The following UIMC1 variants were observed in gnomAD, a reference collection of about 807,000 sequenced individuals.
UIMC1 encodes BRCA1-A complex subunit RAP80.
In UIMC1, 42 loss-of-function variants were observed where a neutral mutation model predicts 84.9. The ratio of observed to expected loss-of-function variants is 0.49; its 90% CI spans 0.39 to 0.64. The LOEUF (loss-of-function observed/expected upper bound fraction) is 0.64, where lower values mean the gene tolerates loss of function less well. Among genes scored for constraint, UIMC1 ranks in the 30% least tolerant of loss-of-function variants. The pLI, the probability that UIMC1 is intolerant of heterozygous loss-of-function variation, is 0.00. For synonymous variants in UIMC1, 281 were observed against 293.0 expected (o/e 0.96, Z 0.42); for missense variants, 825 against 847.6 (o/e 0.97, Z 0.33).
Position 176,951,513 on chromosome 5 carries a change from A to C in UIMC1, c.1404T>G (p.Asp468Glu), listed in dbSNP as rs753758326. 34 of 1,583,570 alleles carry C rather than the reference A, an allele frequency of 2.1e-5. No homozygotes were observed. Among genetic ancestry groups the C allele is most frequent in the African/African-American group, 6.8e-5 (5 of 73,644 alleles). Residue 468 changes from aspartate (D) to glutamate (E), a missense_variant, in exon 9 of 15, where the codon GAT (aspartate) becomes GAG (glutamate). Asp to Glu is a conservative substitution (Grantham distance 45, BLOSUM62 2). Transcript: ENST00000511320. ...TTATTATTCTGACTCCATCCAAGAT[A>C]TCTCTGCTACCTGGAGAGACTTCTC... ...LEREVSPGSRDILDGVRIIMA... is the reference protein window; with the variant it reads ...LEREVSPGSREILDGVRIIMA...
Position 176,920,953 on chromosome 5 carries a change from C to T in UIMC1, c.1598-9564G>A, listed in dbSNP as rs547929131. Among the ~76,000 whole-genome samples the T allele has an allele frequency of 2.6e-5, 4 of 152,300 alleles. No individual in the cohort carries two copies. In the East Asian group the frequency reaches 7.7e-4, roughly 29 times the overall value. Reference sequence around the variant, plus strand: ...TCTATCAGGCTGAGGAAGTTCCTGTCTATTCCTAGTTTGCTGAGTATTTTA... The same window carrying T: ...TCTATCAGGCTGAGGAAGTTCCTGTTTATTCCTAGTTTGCTGAGTATTTTA... On this transcript the variant is annotated intron_variant, in intron 10 of 14. Transcript: ENST00000511320.
At position 176,999,375 on chromosome 5, in the gene UIMC1, T is replaced by C. The variant is rs1581703206; in HGVS notation, c.-9+7275A>G. Among the ~76,000 whole-genome samples, 4 of 152,256 alleles carry C rather than the reference T, an allele frequency of 2.6e-5. No homozygotes were observed. The East Asian group carries it at 7.7e-4, about 29-fold the overall frequency. On this transcript the variant is annotated intron_variant, in intron 1 of 14. Transcript: ENST00000511320. ...AATAGTCAGATCATACAAAATAAGG[T>C]ATCCATCCCCTCAAGCATTTATCCT...
exon 1 of UIMC1, chr5:177,022,600 A>G (rs755152724): frequency 4.4e-6 from 4 of 917,312 alleles, no homozygotes; most frequent in Non-Finnish European, 4.6e-6. Flanking sequence ...AAGCAAAATA[A>G]GCGCGGGGTC....
intron 1 of UIMC1, among the ~76,000 whole-genome samples, chr5:176,991,871 G>C (rs1038461067): frequency 6.6e-6 from 1 of 152,082 alleles, no homozygotes; most frequent in Non-Finnish European, 1.5e-5. Flanking sequence ...GGCAGAGCTT[G>C]CAGTGAGCCG....
intron 10 of UIMC1, among the ~76,000 whole-genome samples, chr5:176,928,208 T>C (rs1762619662): frequency 6.6e-6 from 1 of 152,186 alleles, no homozygotes; most frequent in Non-Finnish European, 1.5e-5. Context: ...AAATTGTCTA[T>C]GGCTGCTTTA....
At chr5:177,002,122 A>C (rs1319039525) in intron 1 of UIMC1, 2 of 151,320 alleles carry the variant, frequency 1.3e-5, no homozygotes, top group Admixed American at 6.6e-5. Flanking sequence ...CTGTCTCAAA[A>C]AAAAAAAAAC....
chr5:176,976,000 T>C (rs1002304294), intron 2 of UIMC1, among the ~76,000 whole-genome samples: 2 of 151,414 alleles, frequency 1.3e-5, no homozygotes, highest in African/African-American at 4.9e-5. Flanking sequence ...AAAAATAAAA[T>C]AGAGAAAGAA....
rs537558192 is a variant in UIMC1, at chr5:176,997,062, C to T, written c.-9+9588G>A. 1.6e-3 allele frequency among the ~76,000 whole-genome samples: 246 copies of T among 152,192 alleles called. 1 individual carries two copies. Among genetic ancestry groups the T allele is most frequent in the African/African-American group, 5.7e-3 (236 of 41,516 alleles). On this transcript the variant is annotated intron_variant, in intron 1 of 14. Transcript: ENST00000511320. ...CACACACACACACAAATTTGAGAGC[C>T]CTGAGAAAAGAGTTGGGGCAGACTT...
chr5:177,020,762 C>T (rs542889519), intron 1 of UIMC1, among the ~76,000 whole-genome samples: 10 of 152,262 alleles, frequency 6.6e-5, no homozygotes, highest in African/African-American at 2.2e-4. Context: ...CTCTCCTCCA[C>T]TACAATAAAA....
upstream of UIMC1, among the ~76,000 whole-genome samples, chr5:177,009,763 G>A (rs192387200): frequency 4.7e-4 from 71 of 152,034 alleles, no homozygotes; most frequent in African/African-American, 1.6e-3. This position sits in a 1 kb window ranked among gnomAD's most constrained non-coding sequence, Gnocchi z 4.3. Context: ...GGCCTAGCAC[G>A]GTGACTCACA....
intron 1 of UIMC1, among the ~76,000 whole-genome samples, chr5:177,000,392 G>A (rs1774270182): frequency 6.6e-6 from 1 of 151,912 alleles, no homozygotes. Flanking sequence ...TTGGATATAA[G>A]CCATTTTAAC....
intron 1 of UIMC1, among the ~76,000 whole-genome samples, chr5:177,012,913 C>T (rs1412958903): frequency 6.6e-6 from 1 of 150,936 alleles, no homozygotes; most frequent in Non-Finnish European, 1.5e-5. Context: ...CCCATCTCTA[C>T]AAAAAATGAA....
In UIMC1 at chr5:176,968,720, T is replaced by C; in HGVS notation, c.1035A>G (p.Lys345=). Reference sequence around the variant, plus strand: ...CCATATCTTCTGAGATGCATTCATTTTTCTCACTAGCCTGCTCTCCTTGGC... The same window carrying C: ...CCATATCTTCTGAGATGCATTCATTCTTCTCACTAGCCTGCTCTCCTTGGC... ...ECGQGEQASE[K]NECISEDMGD... The change falls in exon 6 of 15, where the codon AAA becomes AAG. Residue 345 remains lysine, a synonymous_variant. Coordinates refer to ENST00000511320, the MANE Select transcript of UIMC1 (RefSeq NM_001199298.2). 1 of 1,614,220 alleles carries C rather than the reference T, an allele frequency of 6.2e-7. No homozygotes were observed.
chr5:176,932,082 G>A (rs542265219), intron 10 of UIMC1, among the ~76,000 whole-genome samples: 3 of 152,180 alleles, frequency 2.0e-5, no homozygotes, highest in African/African-American at 7.2e-5. Context: ...GCAGTGTAAC[G>A]TAAGTCTGGG....
At chr5:176,908,470 C>A (rs1305744680) in intron 12 of UIMC1, 53 bp downstream of exon 12, 5 of 1,564,842 alleles carry the variant, frequency 3.2e-6, no homozygotes, top group African/African-American at 2.7e-5. Flanking sequence ...TGGCCTCTTA[C>A]AACTGACAAC....
upstream of UIMC1, among the ~76,000 whole-genome samples, chr5:177,011,590 GTAATAATAA>G (rs139175347): frequency 6.6e-6 from 1 of 150,550 alleles, no homozygotes. Flanking sequence ...CTTTAAAAAA[GTAATAATAA>G]TAATAATAAT....
intron 10 of UIMC1, among the ~76,000 whole-genome samples, chr5:176,925,787 G>A (rs1323558168): frequency 6.6e-6 from 1 of 152,140 alleles, no homozygotes; most frequent in Non-Finnish European, 1.5e-5. Flanking sequence ...AGAGATATGA[G>A]GGAATCTTCC....
At chr5:176,915,575 C>T (rs933378634) in intron 10 of UIMC1, among the ~76,000 whole-genome samples, 1 of 151,516 alleles carries the variant, frequency 6.6e-6, no homozygotes, top group African/African-American at 2.4e-5. Context: ...CCTGCCTCAG[C>T]CCCCTGAGTA....
intron 1 of UIMC1, among the ~76,000 whole-genome samples, chr5:177,012,377 T>C (rs1561941614): frequency 6.6e-6 from 1 of 152,118 alleles, no homozygotes; most frequent in Non-Finnish European, 1.5e-5. Flanking sequence ...ACAGATTCAA[T>C]GGGTCATGGA....
Sources: allele counts gnomAD v4.1 joint callset (sites outside exome capture counted in the v4.1 genomes callset), GRCh38; gene constraint gnomAD v4.1.1; non-coding constraint Gnocchi (gnomAD v3.1); transcripts MANE v1.5; gene names NCBI Gene and HGNC (gene_info 2026-07-23, HGNC 2026-07-21).